Variants in DENND1A observed in about 807,000 individuals in gnomAD.
DENND1A encodes DENN domain-containing protein 1A.
In DENND1A, 51 loss-of-function variants were observed where a neutral mutation model predicts 113.7. That is an observed-to-expected ratio of 0.45 (90% CI 0.36 to 0.57). The LOEUF is 0.57. Ranked by LOEUF, DENND1A falls within the 20% of genes least tolerant of loss-of-function variation. The probability of loss-of-function intolerance (pLI) is 0.00; values close to 1 mark genes in which losing one functional copy is unlikely to be tolerated. For synonymous variants in DENND1A, 565 were observed against 570.8 expected, an observed-to-expected ratio of 0.99 and a Z score of 0.14; for missense variants, 1,258 against 1,395.9, an observed-to-expected ratio of 0.90 and a Z score of 1.57.
At chr9:123,416,653 A>G (rs1459692866) in intron 19 of DENND1A, among the ~76,000 whole-genome samples, 1 of 152,170 alleles carries the variant, frequency 6.6e-6, no homozygotes, top group Non-Finnish European at 1.5e-5. Flanking sequence ...TTCCTCCAGC[A>G]CTTCCCGAGC....
At chr9:123,452,203 TA>T (rs776629545) in intron 17 of DENND1A, 72 bp downstream of exon 17, 210 of 1,406,000 alleles carry the variant, frequency 1.5e-4, no homozygotes, top group Non-Finnish European at 1.9e-4. Flanking sequence ...CAAAAGTAAG[TA>T]AATAAATAAA....
At chr9:123,878,818 A>T in intron 2 of DENND1A, 133 bp downstream of exon 2, 1 of 778,354 alleles carries the variant, frequency 1.3e-6, no homozygotes, top group Non-Finnish European at 2.1e-6. Flanking sequence ...TGTGAGCATG[A>T]ATAAAAGGAA....
intron 3 of DENND1A, among the ~76,000 whole-genome samples, chr9:123,791,755 T>C (rs941176914): frequency 2.0e-5 from 3 of 152,192 alleles, no homozygotes; most frequent in African/African-American, 7.2e-5. Context: ...TTTTACTGTA[T>C]ATGGTATTTC....
At chr9:123,796,194 A>T (rs2132120639) in intron 2 of DENND1A, among the ~76,000 whole-genome samples, 1 of 152,336 alleles carries the variant, frequency 6.6e-6, no homozygotes, top group Non-Finnish European at 1.5e-5. Flanking sequence ...AAGGTTTCGT[A>T]TCATGTCATT....
intron 1 of DENND1A, among the ~76,000 whole-genome samples, chr9:123,897,985 A>G (rs1406461027): frequency 2.0e-5 from 3 of 150,880 alleles, no homozygotes; most frequent in Non-Finnish European, 4.4e-5. Flanking sequence ...CTCTTCTTCT[A>G]CATACATACA....
At chr9:123,767,350 C>T (rs1328311968) in intron 4 of DENND1A, among the ~76,000 whole-genome samples, 1 of 151,242 alleles carries the variant, frequency 6.6e-6, no homozygotes, top group Non-Finnish European at 1.5e-5. Context: ...AACTATTGTA[C>T]ATGGTAAGGA....
At chr9:123,751,085 T>C (rs573103511) in intron 5 of DENND1A, 1 of 152,324 alleles carries the variant, frequency 6.6e-6, no homozygotes, top group Non-Finnish European at 1.5e-5. Context: ...ACAGAGTCCT[T>C]TGATTTTATT....
chr9:123,913,662 T>C (rs1245347607), intron 1 of DENND1A, among the ~76,000 whole-genome samples: 1 of 152,038 alleles, frequency 6.6e-6, no homozygotes, highest in African/African-American at 2.4e-5. Context: ...TCCCAGCACT[T>C]TGGGAGGACG....
intron 13 of DENND1A, 99 bp downstream of exon 13, chr9:123,557,471 T>C: frequency 6.5e-7 from 1 of 1,530,160 alleles, no homozygotes; most frequent in African/African-American, 1.4e-5. Context: ...TCTAGATGAA[T>C]CTGGAAACCA....
In DENND1A at chr9:123,543,298, G is replaced by T. The variant is rs139220647; in HGVS notation, c.993+14272C>A. On this transcript the variant is annotated intron_variant, in intron 13 of 23. Transcript: ENST00000394215. ...ATGCTGATATGTATTTTGTGGAAAAGGTCTGAAAAATGCTGGGTTAAACAA... is the reference window on the plus strand; with the variant it reads ...ATGCTGATATGTATTTTGTGGAAAATGTCTGAAAAATGCTGGGTTAAACAA... Among the ~76,000 whole-genome samples the T allele has an allele frequency of 2.2e-4, 33 of 152,292 alleles. No homozygotes were observed. In the East Asian group the frequency reaches 6.4e-3, roughly 29 times the overall value.
intron 19 of DENND1A, among the ~76,000 whole-genome samples, chr9:123,434,679 C>A (rs897136656): frequency 2.0e-5 from 3 of 152,176 alleles, no homozygotes; most frequent in African/African-American, 7.2e-5. Flanking sequence ...GCAACTCACT[C>A]TTCCTAGGGG....
chr9:123,736,952 G>C (rs1044295195), intron 5 of DENND1A, among the ~76,000 whole-genome samples: 1 of 152,086 alleles, frequency 6.6e-6, no homozygotes, highest in Non-Finnish European at 1.5e-5. Context: ...TACCTTAATG[G>C]ACTAACTACC....
At chr9:123,918,255 A>G (rs867700198) in intron 1 of DENND1A, among the ~76,000 whole-genome samples, 5 of 149,022 alleles carry the variant, frequency 3.4e-5, no homozygotes, top group African/African-American at 4.9e-5. Context: ...TTGGGAGGCC[A>G]AGGCGGGCAG....
At position 123,903,736 on chromosome 9, in the gene DENND1A, C is replaced by T. The variant is rs368031111; in HGVS notation, c.18-24715G>A. Among the ~76,000 whole-genome samples, 14 of 152,342 alleles carry T rather than the reference C, an allele frequency of 9.2e-5. No individual in the cohort carries two copies. The East Asian group carries it at 1.5e-3, about 17-fold the overall frequency. ...AGAGGGTCCTACACCCACGGTGTCT[C>T]GCTGATTGCTAGCACAGCAGTCTGA... On this transcript the variant is annotated intron_variant, in intron 1 of 23. Transcript: ENST00000394215.
chr9:123,393,554 A>G (rs1177441493), intron 21 of DENND1A, among the ~76,000 whole-genome samples: 3 of 149,680 alleles, frequency 2.0e-5, no homozygotes, highest in Non-Finnish European at 4.5e-5. Flanking sequence ...AAAAAAAAAG[A>G]AGGTGGCTCT....
chr9:123,804,120 G>C (rs1590154713), intron 2 of DENND1A, among the ~76,000 whole-genome samples: 1 of 152,288 alleles, frequency 6.6e-6, no homozygotes, highest in East Asian at 1.9e-4. Context: ...TATAAGGGTG[G>C]GTCTTTCCTG....
At chr9:123,674,889 G>A (rs2063974971) in intron 6 of DENND1A, among the ~76,000 whole-genome samples, 1 of 148,230 alleles carries the variant, frequency 6.7e-6, no homozygotes, top group Admixed American at 6.7e-5. Flanking sequence ...AAAAATGTGA[G>A]TCAATCTCCA....
chr9:123,570,254 G>A (rs1467000319), intron 12 of DENND1A, among the ~76,000 whole-genome samples: 1 of 152,162 alleles, frequency 6.6e-6, no homozygotes, highest in African/African-American at 2.4e-5. Context: ...CTATAGATCT[G>A]CCCATCTGGA....
At chr9:123,676,834 A>G in intron 5 of DENND1A, 45 bp from the exon 6 acceptor site, 1 of 1,573,422 alleles carries the variant, frequency 6.4e-7, no homozygotes, top group Non-Finnish European at 8.7e-7. Flanking sequence ...TATGCAGGTC[A>G]AAAACTTTAA....
Sources: allele counts gnomAD v4.1 joint callset (sites outside exome capture counted in the v4.1 genomes callset), GRCh38; gene constraint gnomAD v4.1.1; transcripts MANE v1.5; gene names NCBI Gene and HGNC (gene_info 2026-07-23, HGNC 2026-07-21).